The following RELN variants were observed in gnomAD, a reference collection of about 807,000 sequenced individuals.
The protein encoded by RELN is reelin.
Under a neutral mutation model 427.6 loss-of-function variants are expected in RELN, and 108 were observed. That is an observed-to-expected ratio of 0.25 (90% CI 0.22 to 0.30). The LOEUF (loss-of-function observed/expected upper bound fraction) is 0.30, where lower values mean the gene tolerates loss of function less well. Among genes scored for constraint, RELN ranks in the 10% least tolerant of loss-of-function variants. The pLI is 1.00. For missense variants in RELN, 3,715 were observed against 4,302.8 expected, an observed-to-expected ratio of 0.86 and a Z score of 3.82; for synonymous variants, 1,524 against 1,513.4, an observed-to-expected ratio of 1.01 and a Z score of -0.16.
intron 58 of RELN, 97 bp downstream of exon 58, chr7:103,491,856 T>TCTCTCACACACACA (rs57217576): frequency 3.9e-4 from 114 of 288,620 alleles, no homozygotes; most frequent in East Asian, 6.9e-4. Flanking sequence ...TCTCTCTCTC[T>TCTCTCACACACACA]CACACACACA....
chr7:103,755,501 A>G (rs1172081697), intron 4 of RELN, among the ~76,000 whole-genome samples: 5 of 151,774 alleles, frequency 3.3e-5, no homozygotes, highest in African/African-American at 4.8e-5. Context: ...CCAGCTGCTC[A>G]GGAGGCTGAG....
At chr7:103,540,546 A>ATG in intron 43 of RELN, 91 bp from the exon 44 acceptor site, 1 of 1,171,964 alleles carries the variant, frequency 8.5e-7, no homozygotes, top group Non-Finnish European at 1.3e-6. Flanking sequence ...ATGCAGGGGA[A>ATG]CGAAAGGCCT....
Position 103,523,430 on chromosome 7 carries a change from A to T in RELN, c.7451T>A (p.Met2484Lys). 6.2e-7 allele frequency: 1 copy of T among 1,614,160 alleles called. No homozygotes were observed. Among genetic ancestry groups the T allele is most frequent in the Non-Finnish European group, 8.5e-7 (1 of 1,180,038 alleles). Residue 2484 changes from methionine to lysine, a missense_variant, in exon 47 of 65, where the codon ATG (methionine) becomes AAG (lysine). Met to Lys is a moderately conservative substitution (Grantham distance 95, BLOSUM62 -1). Coordinates refer to ENST00000428762, the MANE Select transcript of RELN (RefSeq NM_005045.4). ...GATGCATCTCCCATGGCCACTGCAC[A>T]TGTCTATGCAGCCATCCCCGATATA... is the stretch of plus-strand genomic sequence containing the variant. ...NVYIGDGCID[M>K]CSGHGRCIQG...
intron 3 of RELN, among the ~76,000 whole-genome samples, chr7:103,810,807 T>C (rs984484364): frequency 3.9e-5 from 6 of 152,208 alleles, no homozygotes; most frequent in Non-Finnish European, 7.3e-5. Flanking sequence ...GAGTTAACTT[T>C]CTCTCCCTTT....
intron 4 of RELN, among the ~76,000 whole-genome samples, chr7:103,769,359 G>A (rs935370158): frequency 3.3e-5 from 5 of 152,126 alleles, no homozygotes; most frequent in South Asian, 2.1e-4. Context: ...CTTCCACCAC[G>A]TGAGGATACA....
chr7:103,635,032 C>T (rs571548258), intron 19 of RELN, among the ~76,000 whole-genome samples: 79 of 151,260 alleles, frequency 5.2e-4, no homozygotes, highest in African/African-American at 1.8e-3. Flanking sequence ...CTTTTTTTTT[C>T]GTATTTTTAG....
At chr7:103,741,528 C>T (rs923544939) in intron 6 of RELN, among the ~76,000 whole-genome samples, 19 of 148,602 alleles carry the variant, frequency 1.3e-4, no homozygotes, top group Admixed American at 8.8e-4. Context: ...GTCTAATGTA[C>T]AAATATATCA....
intron 6 of RELN, among the ~76,000 whole-genome samples, chr7:103,731,663 G>A (rs939486377): frequency 6.6e-6 from 1 of 152,100 alleles, no homozygotes; most frequent in East Asian, 1.9e-4. Context: ...AGCAAATTAT[G>A]GGCTGGAGGT....
rs1276361079 is a variant in RELN at position 103,640,488 on chromosome 7, C to T, written c.2069+55G>A. On this transcript the variant is annotated intron_variant, in intron 17 of 64. Coordinates refer to ENST00000428762, the MANE Select transcript of RELN (RefSeq NM_005045.4). This position sits in a 1 kb window ranked among gnomAD's most constrained non-coding sequence, Gnocchi z 4.1. ...GTTATTAAATGACTTGCGACTTCAA[C>T]ACATACATTACACATCAAAAAGGAG... The T allele has an allele frequency of 1.3e-6, 2 of 1,562,568 alleles. No homozygotes were observed. The highest frequency in any genetic ancestry group is 4.5e-5 in the East Asian group (2 of 44,516).
chr7:103,694,838 TA>T (rs35105236), intron 10 of RELN, among the ~76,000 whole-genome samples: 28,653 of 148,054 alleles, frequency 0.19, 3,488 homozygotes, highest in African/African-American at 0.34. Flanking sequence ...TTTTTTTTTT[TA>T]ATTTTTGTAG....
At chr7:103,572,555 G>C (rs1036790308) in intron 30 of RELN, among the ~76,000 whole-genome samples, 24 of 144,296 alleles carry the variant, frequency 1.7e-4, no homozygotes, top group Admixed American at 1.2e-3. Context: ...TTTTTTTTTT[G>C]AGACGGAGTC....
intron 2 of RELN, among the ~76,000 whole-genome samples, chr7:103,886,813 T>C (rs1400634332): frequency 2.0e-5 from 3 of 152,190 alleles, no homozygotes; most frequent in African/African-American, 7.2e-5. Context: ...GTCTTCATAA[T>C]AGGTCCTACA....
rs375481903 is a variant in RELN, at chr7:103,779,727, T to C, written c.474-3100A>G. 2.6e-5 allele frequency among the ~76,000 whole-genome samples: 4 copies of C among 152,156 alleles called. No homozygotes were observed. The South Asian group carries it at 6.2e-4, about 24-fold the overall frequency. ...CTGCTTTCAGGGAGTGATTTTCTTT[T>C]TTCCTTCTTTCTTTCTGTTGAGATG... On this transcript the variant is annotated intron_variant, in intron 3 of 64. Transcript: ENST00000428762.
intron 64 of RELN, among the ~76,000 whole-genome samples, chr7:103,475,374 A>AC (rs1336179019): frequency 6.6e-6 from 1 of 151,914 alleles, no homozygotes; most frequent in Non-Finnish European, 1.5e-5. Context: ...CTCCTGCCTG[A>AC]CCCGTGCATG....
Position 103,723,188 on chromosome 7 carries a change from TA to T in RELN, c.756del (p.Thr253ProfsTer45). 6.3e-7 allele frequency: 1 copy of T among 1,579,352 alleles called. No homozygotes were observed. The highest frequency in any genetic ancestry group is 8.7e-7 in the Non-Finnish European group (1 of 1,148,886). ...GCTGTTGTTGTATTAAGGCCTGTGGTAATCTAAAGAAAAAAGAATACATAAA... is the reference window on the plus strand; with the variant it reads ...GCTGTTGTTGTATTAAGGCCTGTGGTATCTAAAGAAAAAAGAATACATAAA... Reference protein sequence around the residue: ...FCEPYGPRELITTGLNTTTAS... With the variant: ...FCEPYGPRELXTTGLNTTTAS... On this transcript the variant is annotated frameshift_variant and splice_region_variant, in exon 8 of 65. Coordinates refer to ENST00000428762, the MANE Select transcript of RELN (RefSeq NM_005045.4). LOFTEE classifies it high-confidence loss of function.
intron 13 of RELN, among the ~76,000 whole-genome samples, chr7:103,653,686 G>GA (rs1285830480): frequency 6.6e-6 from 1 of 151,936 alleles, no homozygotes; most frequent in Non-Finnish European, 1.5e-5. Context: ...AGTTAGCAAA[G>GA]AAAAAAGCAA....
chr7:103,848,951 A>G (rs1482566869), intron 2 of RELN, among the ~76,000 whole-genome samples: 1 of 152,160 alleles, frequency 6.6e-6, no homozygotes, highest in East Asian at 1.9e-4. Context: ...ATCACAGTCA[A>G]TCTACTTGAT....
intron 10 of RELN, among the ~76,000 whole-genome samples, chr7:103,684,810 A>G (rs1260214203): frequency 1.3e-5 from 2 of 152,200 alleles, no homozygotes; most frequent in Non-Finnish European, 2.9e-5. Flanking sequence ...TTATTTCTAA[A>G]TATACATATT....
At chr7:103,614,561 C>T (rs1276350367) in intron 20 of RELN, among the ~76,000 whole-genome samples, 1 of 151,878 alleles carries the variant, frequency 6.6e-6, no homozygotes, top group Admixed American at 6.5e-5. Flanking sequence ...AGATAAAGAC[C>T]TCTCTGCTGA....
Sources: gnomAD v4.1 joint callset for allele counts (sites outside exome capture counted in the v4.1 genomes callset) on GRCh38, gnomAD v4.1.1 for gene constraint, Gnocchi (gnomAD v3.1) non-coding constraint, MANE v1.5 for transcripts, NCBI Gene and HGNC (gene_info 2026-07-23, HGNC 2026-07-21) for gene names.